MYCBP2: variants seen among roughly 807,000 people sequenced by gnomAD.
MYCBP2 encodes the protein MYC binding protein 2.
Under a neutral mutation model 525.3 loss-of-function variants are expected in MYCBP2, and 120 were observed. That is an observed-to-expected ratio of 0.23 (90% CI 0.20 to 0.27). MYCBP2 has a LOEUF of 0.27. MYCBP2 is among the 10% of genes least tolerant of loss of function. The pLI, the probability that MYCBP2 is intolerant of heterozygous loss-of-function variation, is 1.00. For synonymous variants in MYCBP2, 1,894 were observed against 1,955.8 expected (o/e 0.97, Z 0.83); for missense variants, 4,149 against 5,657.1 (o/e 0.73, Z 8.55).
intron 38 of MYCBP2, among the ~76,000 whole-genome samples, chr13:77,170,291 A>G (rs1452045556): frequency 1.3e-5 from 2 of 152,214 alleles, no homozygotes; most frequent in African/African-American, 4.8e-5. Flanking sequence ...CACTTTGCTG[A>G]TTAACATTTT....
Position 77,098,476 on chromosome 13 carries a change from C to T in MYCBP2, c.8678G>A (p.Arg2893Lys). 6.2e-7 allele frequency: 1 copy of T among 1,613,730 alleles called. No individual in the cohort carries two copies. Among genetic ancestry groups the T allele is most frequent in the Middle Eastern group, 1.7e-4 (1 of 6,054 alleles). Residue 2893 changes from arginine (R) to lysine (K), a missense_variant, in exon 56 of 83, where the codon AGA (arginine) becomes AAA (lysine). Transcript: ENST00000544440. Reference protein sequence around the residue: ...KKKMPLTEPLRGRSTSPKPKS... With the variant: ...KKKMPLTEPLKGRSTSPKPKS... The stretch of plus-strand genomic sequence containing the variant: ...TGGTTTTGGTGACGTTGACCGTCCT[C>T]TCAAAGGTTCTGTGAGGGGCATTTT...
At chr13:77,189,092 G>T in intron 29 of MYCBP2, 45 bp from the exon 30 acceptor site, 3 of 1,373,428 alleles carry the variant, frequency 2.2e-6, no homozygotes, top group Non-Finnish European at 3.0e-6. Context: ...AAAGTCCAAT[G>T]TCATTTTTTC....
At chr13:77,325,188 A>G (rs2082138342) in intron 1 of MYCBP2, among the ~76,000 whole-genome samples, 1 of 152,238 alleles carries the variant, frequency 6.6e-6, no homozygotes, top group African/African-American at 2.4e-5. Flanking sequence ...CATGATACCT[A>G]GTGATAAGCT....
intron 17 of MYCBP2, among the ~76,000 whole-genome samples, chr13:77,233,922 G>A (rs1462359571): frequency 2.0e-5 from 3 of 151,576 alleles, no homozygotes; most frequent in South Asian, 2.1e-4. Context: ...TTATATTGAT[G>A]GTAAAGGGGG....
intron 36 of MYCBP2, among the ~76,000 whole-genome samples, chr13:77,175,007 G>A (rs546667122): frequency 7.9e-6 from 1 of 126,596 alleles, no homozygotes; most frequent in Non-Finnish European, 1.6e-5. Context: ...CCAGCCTGGA[G>A]TGCAGTGGTG....
chr13:77,301,272 T>C (rs2078762957), intron 1 of MYCBP2, among the ~76,000 whole-genome samples: 1 of 151,330 alleles, frequency 6.6e-6, no homozygotes, highest in Admixed American at 6.6e-5. Context: ...AAAAATTAGC[T>C]GGGTATGGTG....
intron 17 of MYCBP2, among the ~76,000 whole-genome samples, chr13:77,242,626 T>A (rs116242207): frequency 6.6e-6 from 1 of 152,204 alleles, no homozygotes; most frequent in Non-Finnish European, 1.5e-5. Context: ...GTCCAAATGA[T>A]AATGAGCATA....
intron 21 of MYCBP2, among the ~76,000 whole-genome samples, chr13:77,215,601 T>G (rs1462318844): frequency 6.6e-6 from 1 of 152,190 alleles, no homozygotes; most frequent in Non-Finnish European, 1.5e-5. Flanking sequence ...TTCTTTCTTT[T>G]TGAGACAGGA....
At chr13:77,229,666 CA>C (rs2066861370) in intron 18 of MYCBP2, among the ~76,000 whole-genome samples, 1 of 152,108 alleles carries the variant, frequency 6.6e-6, no homozygotes, top group Non-Finnish European at 1.5e-5. Flanking sequence ...CATAGCAACA[CA>C]ATCAGTTAAG....
chr13:77,068,150 A>G lies in MYCBP2; in HGVS notation c.12172-286T>C, dbSNP rs75148636. Among the ~76,000 whole-genome samples, 1,452 of 152,328 alleles carry G rather than the reference A, an allele frequency of 9.5e-3. 25 individuals are homozygous for G. The highest frequency in any genetic ancestry group is 0.033 in the African/African-American group (1,356 of 41,584). The stretch of plus-strand genomic sequence containing the variant: ...ATTCTGTAACTTCAAAATCTTTAAG[A>G]AAAGAAATATGATTTAAACACTATT... On this transcript the variant is annotated intron_variant, in intron 70 of 82. Coordinates refer to ENST00000544440, the MANE Select transcript of MYCBP2 (RefSeq NM_015057.5).
chr13:77,117,785 T>G (rs1047183788), intron 55 of MYCBP2, among the ~76,000 whole-genome samples: 5 of 152,162 alleles, frequency 3.3e-5, no homozygotes, highest in Non-Finnish European at 5.9e-5. Context: ...ATAATTTTTT[T>G]GGGTATCTTT....
At position 77,098,510 on chromosome 13, in the gene MYCBP2, G is replaced by T. The variant is rs201408082; in HGVS notation, c.8644C>A (p.Arg2882Ser). The T allele has an allele frequency of 2.5e-6, 4 of 1,613,708 alleles. No homozygotes were observed. In the South Asian group the frequency reaches 3.3e-5, roughly 13 times the overall value. Residue 2882 changes from arginine (R) to serine (S), a missense_variant, in exon 56 of 83, where the codon CGC becomes AGC. Arg to Ser is a moderately radical substitution (Grantham distance 110, BLOSUM62 -1). Coordinates refer to ENST00000544440, the MANE Select transcript of MYCBP2 (RefSeq NM_015057.5). ...TCTGTGAGGGGCATTTTCTTCTTGC[G>T]GAGGGTATCTGGATCAAGTGTGTAA... ...DSYTLDPDTL[R>S]KKKMPLTEPL...
Position 77,099,204 on chromosome 13 carries a change from A to AC in MYCBP2, c.8141-192dup, listed in dbSNP as rs557763604. 8.9e-4 allele frequency: 684 copies of AC among 765,400 alleles called. 4 individuals carry two copies. Among genetic ancestry groups the AC allele is most frequent in the African/African-American group, 5.4e-3 (308 of 56,814 alleles). The allele number at this position is 765,400 out of a possible 1,614,324, so 47.4% of individuals were successfully genotyped here. A position where few individuals can be genotyped will look rare whatever the true frequency, so the allele number is the denominator to read the frequency against. ...TAAAATTTCTACACATCATTACACA[A>AC]CATTACCACCAAAAACTATTTTCAT... On this transcript the variant is annotated intron_variant, in intron 55 of 82. Coordinates refer to ENST00000544440, the MANE Select transcript of MYCBP2 (RefSeq NM_015057.5).
chr13:77,301,504 G>A (rs1202941102), intron 1 of MYCBP2, among the ~76,000 whole-genome samples: 2 of 150,220 alleles, frequency 1.3e-5, no homozygotes, highest in Non-Finnish European at 2.9e-5. Flanking sequence ...AATCCTAGTA[G>A]AGGGAGGGAG....
chr13:77,325,689 C>T (rs903526407), intron 1 of MYCBP2, among the ~76,000 whole-genome samples: 1 of 152,212 alleles, frequency 6.6e-6, no homozygotes, highest in Non-Finnish European at 1.5e-5. Context: ...ACCCTCTCTA[C>T]TCTAAAGCCT....
intron 39 of MYCBP2, 60 bp from the exon 40 acceptor site, chr13:77,168,706 T>A: frequency 6.9e-7 from 1 of 1,454,284 alleles, no homozygotes; most frequent in South Asian, 1.2e-5. Context: ...TCTAAAATTA[T>A]GCATTACAAT....
At chr13:77,242,014 T>C (rs969216510) in intron 17 of MYCBP2, among the ~76,000 whole-genome samples, 12 of 152,164 alleles carry the variant, frequency 7.9e-5, no homozygotes, top group African/African-American at 2.9e-4. Flanking sequence ...CAATTTGTCT[T>C]AATCCTACAA....
rs748687890 is a variant in MYCBP2 at position 77,101,760 on chromosome 13, T to TA, written c.8141-2748dup. Among the ~76,000 whole-genome samples the TA allele has an allele frequency of 7.9e-5, 12 of 151,832 alleles. No homozygotes were observed. The East Asian group carries it at 1.7e-3, about 22-fold the overall frequency. On this transcript the variant is annotated intron_variant, in intron 55 of 82. Transcript: ENST00000544440. The stretch of plus-strand genomic sequence containing the variant: ...TTTTTCCAAAACGTATTTTATATAT[T>TA]AAAAAAAACTATGCTTGTTAAGTGG...
intron 29 of MYCBP2, 85 bp downstream of exon 29, chr13:77,190,163 TCTCC>T: frequency 1.4e-6 from 1 of 696,802 alleles, no homozygotes; most frequent in South Asian, 2.6e-5. Context: ...TCAAATAATT[TCTCC>T]CTATTATGCC....
Sources: gnomAD v4.1 joint callset for allele counts (sites outside exome capture counted in the v4.1 genomes callset) on GRCh38, gnomAD v4.1.1 for gene constraint, MANE v1.5 for transcripts, NCBI Gene and HGNC (gene_info 2026-07-23, HGNC 2026-07-21) for gene names.